ROBO1: variants seen among roughly 807,000 people sequenced by gnomAD.
ROBO1 encodes the protein roundabout homolog 1.
A neutral mutation model predicts 195.9 loss-of-function variants in ROBO1; 149 were observed. That is an observed-to-expected ratio of 0.76 (90% CI 0.67 to 0.87). The LOEUF (loss-of-function observed/expected upper bound fraction) is 0.87, where lower values mean the gene tolerates loss of function less well. Among genes scored for constraint, ROBO1 ranks in the 40% least tolerant of loss-of-function variants. The pLI is 0.00. For missense variants in ROBO1, 1,933 were observed against 2,068.3 expected (o/e 0.93, Z 1.27); for synonymous variants, 816 against 733.2 (o/e 1.11, Z -1.82).
At chr3:78,883,243 G>T (rs1390595883) in intron 4 of ROBO1, among the ~76,000 whole-genome samples, 2 of 122,074 alleles carry the variant, frequency 1.6e-5, no homozygotes, top group Admixed American at 7.8e-5. Flanking sequence ...ATTTCTGTTG[G>T]TAAAAAAAAA....
chr3:78,684,338 CAAT>C (rs1048593115), intron 10 of ROBO1, among the ~76,000 whole-genome samples: 9 of 151,966 alleles, frequency 5.9e-5, no homozygotes, highest in African/African-American at 1.2e-4. Flanking sequence ...TAAAAGGAAT[CAAT>C]GATGATAAAA....
At chr3:79,003,464 A>G (rs1576547064) in intron 3 of ROBO1, among the ~76,000 whole-genome samples, 1 of 152,134 alleles carries the variant, frequency 6.6e-6, no homozygotes, top group East Asian at 1.9e-4. Flanking sequence ...ACAATGCAAC[A>G]ATTCATACTA....
intron 8 of ROBO1, among the ~76,000 whole-genome samples, chr3:78,690,138 T>C (rs1388551347): frequency 1.2e-5 from 1 of 81,106 alleles, no homozygotes. Flanking sequence ...AATATGCATA[T>C]TAAAAACATG....
chr3:78,724,026 C>G (rs2108130004), intron 5 of ROBO1, among the ~76,000 whole-genome samples: 1 of 151,824 alleles, frequency 6.6e-6, no homozygotes, highest in South Asian at 2.1e-4. Context: ...GTAGATGATA[C>G]AAAAAATGAA....
intron 3 of ROBO1, among the ~76,000 whole-genome samples, chr3:79,040,475 TTGCC>T (rs1314718557): frequency 1.3e-5 from 2 of 152,180 alleles, no homozygotes; most frequent in African/African-American, 2.4e-5. Flanking sequence ...AAGGATGAAA[TTGCC>T]TACTCATTTA....
intron 5 of ROBO1, among the ~76,000 whole-genome samples, chr3:78,739,537 G>A (rs1373393881): frequency 6.6e-6 from 1 of 151,954 alleles, no homozygotes; most frequent in Admixed American, 6.6e-5. Context: ...TTCCTAAGTG[G>A]CAAATGATGA....
chr3:79,412,189 A>T (rs2037796206), intron 2 of ROBO1, among the ~76,000 whole-genome samples: 1 of 152,134 alleles, frequency 6.6e-6, no homozygotes, highest in Non-Finnish European at 1.5e-5. Context: ...TATTCTCAAC[A>T]AGGCTTCTAT....
In ROBO1 at chr3:78,799,409, T is replaced by A. The variant is rs11927276; in HGVS notation, c.500-52509A>T. Among the ~76,000 whole-genome samples, 804 of 152,230 alleles carry A rather than the reference T, an allele frequency of 5.3e-3. 8 individuals are homozygous for A. Among genetic ancestry groups the A allele is most frequent in the African/African-American group, 0.018 (739 of 41,536 alleles). On this transcript the variant is annotated intron_variant, in intron 4 of 30. Transcript: ENST00000464233. ...CAGGCTGGAGTGCAGTGGCACAATC[T>A]CGGCTCACTGCAAGCTCTGCCTCCC...
chr3:79,658,428 GA>G (rs1283692050), intron 1 of ROBO1, among the ~76,000 whole-genome samples: 2 of 151,972 alleles, frequency 1.3e-5, no homozygotes, highest in Admixed American at 6.6e-5. Flanking sequence ...TACTTCCTAT[GA>G]CATTAAAGTA....
At chr3:79,492,625 A>G (rs1939526302) in intron 2 of ROBO1, among the ~76,000 whole-genome samples, 3 of 152,054 alleles carry the variant, frequency 2.0e-5, no homozygotes, top group Admixed American at 1.3e-4. Flanking sequence ...GCGTTAGCTC[A>G]AAGCCAAAGA....
In ROBO1 at chr3:78,819,070, G is replaced by C. The variant is rs150871027; in HGVS notation, c.500-72170C>G. Among the ~76,000 whole-genome samples the C allele has an allele frequency of 3.2e-4, 49 of 152,216 alleles. No individual in the cohort carries two copies. In the East Asian group the frequency reaches 7.0e-3, roughly 22 times the overall value. On this transcript the variant is annotated intron_variant, in intron 4 of 30. Coordinates refer to ENST00000464233, the MANE Select transcript of ROBO1 (RefSeq NM_002941.4). The stretch of plus-strand genomic sequence containing the variant: ...GTTTCTGGCGACCATTGGGGGTCTT[G>C]GAACATATCGCCCCGTGGACAACAG...
At chr3:79,045,102 C>A (rs958368252) in intron 3 of ROBO1, among the ~76,000 whole-genome samples, 4 of 151,754 alleles carry the variant, frequency 2.6e-5, no homozygotes, top group Non-Finnish European at 5.9e-5. Context: ...ATGATCTGAT[C>A]CTTGAAATGA....
intron 2 of ROBO1, among the ~76,000 whole-genome samples, chr3:79,193,956 G>A (rs1451117239): frequency 2.6e-5 from 4 of 151,642 alleles, no homozygotes; most frequent in African/African-American, 9.7e-5. Context: ...GACCTAGTTA[G>A]GGTAATCATA....
intron 4 of ROBO1, among the ~76,000 whole-genome samples, chr3:78,901,700 A>C (rs935781491): frequency 2.0e-5 from 3 of 152,186 alleles, no homozygotes; most frequent in African/African-American, 7.2e-5. Flanking sequence ...GACAGGCATA[A>C]ATTGGCTCCT....
intron 5 of ROBO1, among the ~76,000 whole-genome samples, chr3:78,744,696 A>T (rs2082614492): frequency 6.6e-6 from 1 of 152,032 alleles, no homozygotes; most frequent in Admixed American, 6.6e-5. Flanking sequence ...AGTTGATTCC[A>T]TCAATTTTTT....
chr3:78,722,546 T>C (rs2608023), intron 5 of ROBO1, among the ~76,000 whole-genome samples: 63,821 of 151,996 alleles, frequency 0.42, 14,513 homozygotes, highest in Middle Eastern at 0.53. Flanking sequence ...AATGCACTTT[T>C]GTAACAATAG....
intron 2 of ROBO1, among the ~76,000 whole-genome samples, chr3:79,377,390 T>C (rs973640348): frequency 6.6e-6 from 1 of 152,208 alleles, no homozygotes; most frequent in Admixed American, 6.5e-5. Context: ...CCAAATATCT[T>C]TGAGGAAACA....
At chr3:79,347,290 T>C (rs1475693785) in intron 2 of ROBO1, among the ~76,000 whole-genome samples, 1 of 152,206 alleles carries the variant, frequency 6.6e-6, no homozygotes, top group Non-Finnish European at 1.5e-5. Flanking sequence ...AACGTGTGTG[T>C]GTATGACTTT....
intron 2 of ROBO1, among the ~76,000 whole-genome samples, chr3:79,501,187 C>A (rs1018789790): frequency 6.6e-5 from 10 of 152,116 alleles, no homozygotes; most frequent in Non-Finnish European, 1.3e-4. Context: ...GTATTATTTT[C>A]AAAATGTTGC....
Sources: gnomAD v4.1 joint callset for allele counts (sites outside exome capture counted in the v4.1 genomes callset) on GRCh38, gnomAD v4.1.1 for gene constraint, MANE v1.5 for transcripts, NCBI Gene and HGNC (gene_info 2026-07-23, HGNC 2026-07-21) for gene names.